The following TPO variants were observed in gnomAD, a reference collection of about 807,000 sequenced individuals.
TPO encodes the protein thyroid microsomal antigen.
TPO carries 78 observed loss-of-function variants against 96.9 expected under a neutral mutation model. The observed-to-expected ratio is 0.81, with a 90% CI of 0.67 to 0.97. The LOEUF (loss-of-function observed/expected upper bound fraction) is 0.97. TPO is among the 50% of genes least tolerant of loss of function. The pLI, the probability that TPO is intolerant of heterozygous loss-of-function variation, is 0.00. For missense variants in TPO, 1,252 were observed against 1,274.8 expected (o/e 0.98, Z 0.27); for synonymous variants, 547 against 538.0 (o/e 1.02, Z -0.23).
At chr2:1,541,244 G>A in intron 16 of TPO, 7 of 1,079,930 alleles carry the variant, frequency 6.5e-6, no homozygotes, top group Non-Finnish European at 7.9e-6. Context: ...GGAGTGGGGA[G>A]GTGCTGGTCA....
chr2:1,451,172 G>C (rs1667269915), intron 5 of TPO, among the ~76,000 whole-genome samples: 1 of 152,144 alleles, frequency 6.6e-6, no homozygotes, highest in African/African-American at 2.4e-5. Flanking sequence ...CTGCGTGGTG[G>C]CCTTAGAGAC....
intron 7 of TPO, among the ~76,000 whole-genome samples, chr2:1,471,870 TG>T (rs1669450238): frequency 6.6e-6 from 1 of 152,094 alleles, no homozygotes; most frequent in Non-Finnish European, 1.5e-5. Flanking sequence ...GCCCTTCCCA[TG>T]ATCCTGATGT....
intron 15 of TPO, among the ~76,000 whole-genome samples, chr2:1,530,974 G>C (rs113473701): frequency 4.2e-3 from 192 of 45,950 alleles, no homozygotes; most frequent in African/African-American, 0.013. Context: ...AATCCCCCCA[G>C]TATGTGCAAC....
intron 13 of TPO, among the ~76,000 whole-genome samples, chr2:1,503,623 C>T (rs1446556249): frequency 6.6e-6 from 1 of 152,166 alleles, no homozygotes; most frequent in Non-Finnish European, 1.5e-5. Flanking sequence ...TTCCTGCCCC[C>T]GTGTCCTGCA....
At chr2:1,421,795 G>A (rs1360173458) in intron 2 of TPO, among the ~76,000 whole-genome samples, 1 of 152,134 alleles carries the variant, frequency 6.6e-6, no homozygotes, top group Non-Finnish European at 1.5e-5. Context: ...CACCGATCCT[G>A]CGACGCCCAG....
intron 15 of TPO, 42 bp downstream of exon 15, chr2:1,517,024 AT>A: frequency 6.3e-7 from 1 of 1,597,524 alleles, no homozygotes; most frequent in Non-Finnish European, 8.6e-7. Flanking sequence ...ACACAAAGCA[AT>A]CTCCTTTCCT....
chr2:1,456,117 G>A lies in TPO; in HGVS notation c.654G>A (p.Glu218=), dbSNP rs770628196. 6.2e-7 allele frequency: 1 copy of A among 1,614,024 alleles called. No homozygotes were observed. Among genetic ancestry groups the A allele is most frequent in the South Asian group, 1.1e-5 (1 of 91,072 alleles). The change falls in exon 7 of 17, where the codon GAG becomes GAA. Residue 218 remains glutamate, a synonymous_variant. Transcript: ENST00000329066. ...GACATGTCATTCAAGTTTCAAATGAGGTTGTCACAGATGATGACCGCTATT... is the reference window on the plus strand; with the variant it reads ...GACATGTCATTCAAGTTTCAAATGAAGTTGTCACAGATGATGACCGCTATT... ...VTRHVIQVSN[E]VVTDDDRYSD... is the part of the protein sequence containing the mutation.
intron 15 of TPO, among the ~76,000 whole-genome samples, chr2:1,523,359 C>A (rs575648761): frequency 5.9e-4 from 75 of 126,764 alleles, no homozygotes; most frequent in Admixed American, 1.4e-3. Flanking sequence ...TAAATCCCCC[C>A]ACTGTGTTCA....
chr2:1,459,981 G>A (rs1668262247), intron 7 of TPO, among the ~76,000 whole-genome samples: 2 of 150,372 alleles, frequency 1.3e-5, no homozygotes, highest in African/African-American at 4.9e-5. Context: ...TCTTGCCCAG[G>A]CTGGAGTGTA....
Position 1,495,977 on chromosome 2 carries a change from C to T in TPO, c.2007-12C>T, listed in dbSNP as rs546535782. 13 of 1,611,252 alleles carry T rather than the reference C, an allele frequency of 8.1e-6. No homozygotes were observed. In the East Asian group the frequency reaches 1.6e-4, roughly 19 times the overall value. On this transcript the variant is annotated splice_polypyrimidine_tract_variant and intron_variant, in intron 11 of 16. Coordinates refer to ENST00000329066, the MANE Select transcript of TPO (RefSeq NM_001206744.2). ...TGCACTGTGACCTTACTCACTGTCT[C>T]CTTCTCTGGAGGTTTTGGTGGGAGA... is the stretch of plus-strand genomic sequence containing the variant.
chr2:1,414,298 C>A (rs571668813), intron 1 of TPO, 110 bp from the exon 2 acceptor site: 12 of 1,034,794 alleles, frequency 1.2e-5, no homozygotes, highest in African/African-American at 1.6e-5. Flanking sequence ...GCGGTAGAGG[C>A]TGCGTGGAGT....
chr2:1,400,373 A>C (rs2148372520), intron 1 of TPO, among the ~76,000 whole-genome samples: 1 of 152,174 alleles, frequency 6.6e-6, no homozygotes, highest in South Asian at 2.1e-4. Context: ...TGTGCCTGTA[A>C]TCCCAGCTGC....
chr2:1,451,602 C>G (rs1573241080), intron 5 of TPO, among the ~76,000 whole-genome samples: 1 of 152,280 alleles, frequency 6.6e-6, no homozygotes, highest in East Asian at 1.9e-4. Context: ...CATGATGCAG[C>G]TTCAGACTCT....
At chr2:1,445,515 G>C (rs1160404894) in intron 5 of TPO, among the ~76,000 whole-genome samples, 3 of 124,176 alleles carry the variant, frequency 2.4e-5, no homozygotes, top group Non-Finnish European at 5.0e-5. Flanking sequence ...GCTCCTTCTT[G>C]TTTGTATGAT....
rs1672311257 is a variant in TPO, at chr2:1,496,161, A to G, written c.2179A>G (p.Met727Val). The G allele has an allele frequency of 6.2e-7, 1 of 1,614,146 alleles. No individual in the cohort carries two copies. The highest frequency in any genetic ancestry group is 8.5e-7 in the Non-Finnish European group (1 of 1,180,040). ...DFESCDSITG[M>V]NLEAWRETFP... ...TGAGTCTTGTGACAGCATCACTGGC[A>G]TGAACCTGGAGGCCTGGAGGGAAAC... The change falls in exon 12 of 17, where the codon ATG becomes GTG. Residue 727 changes from methionine to valine, a missense_variant. Met to Val is a conservative substitution (Grantham distance 21). Transcript: ENST00000329066.
chr2:1,508,390 C>T (rs901680869), intron 14 of TPO, among the ~76,000 whole-genome samples: 2 of 152,166 alleles, frequency 1.3e-5, no homozygotes, highest in African/African-American at 4.8e-5. Flanking sequence ...CAGGATGATG[C>T]TGGCCTCATA....
chr2:1,485,571 T>C (rs1398150073), intron 9 of TPO, among the ~76,000 whole-genome samples: 1 of 151,610 alleles, frequency 6.6e-6, no homozygotes, highest in Non-Finnish European at 1.5e-5. Context: ...CATCTATTGT[T>C]TTCCTGACTT....
At chr2:1,527,171 CT>C (rs1383737326) in intron 15 of TPO, among the ~76,000 whole-genome samples, 1 of 137,660 alleles carries the variant, frequency 7.3e-6, no homozygotes, top group Non-Finnish European at 1.5e-5. Flanking sequence ...GCAACCTCCC[CT>C]ATCCCTCCCA....
upstream of TPO, among the ~76,000 whole-genome samples, chr2:1,413,084 G>A (rs527288569): frequency 3.9e-5 from 6 of 152,260 alleles, no homozygotes; most frequent in South Asian, 2.1e-4. Flanking sequence ...GCGAGTCATC[G>A]GTGGGCCTGG....
Sources: gnomAD v4.1 joint callset for allele counts (sites outside exome capture counted in the v4.1 genomes callset) on GRCh38, gnomAD v4.1.1 for gene constraint, MANE v1.5 for transcripts, NCBI Gene and HGNC (gene_info 2026-07-23, HGNC 2026-07-21) for gene names.